The following CSMD1 variants were observed in gnomAD, a reference collection of about 807,000 sequenced individuals.
The protein encoded by CSMD1 is CUB and Sushi multiple domains 1.
A neutral mutation model predicts 417.5 loss-of-function variants in CSMD1; 213 were observed. The observed-to-expected ratio is 0.51, with a 90% CI of 0.46 to 0.57. CSMD1 has a LOEUF of 0.57. CSMD1 is among the 20% of genes least tolerant of loss of function. The probability of loss-of-function intolerance (pLI) is 0.00; values close to 1 mark genes in which losing one functional copy is unlikely to be tolerated. For missense variants in CSMD1, 6,923 were observed against 4,529.7 expected, an observed-to-expected ratio of 1.53 and a Z score of -15.17; for synonymous variants, 2,862 against 1,736.8, an observed-to-expected ratio of 1.65 and a Z score of -16.11.
At chr8:4,898,190 C>T (rs561778470) in intron 1 of CSMD1, among the ~76,000 whole-genome samples, 3 of 152,208 alleles carry the variant, frequency 2.0e-5, no homozygotes, top group Non-Finnish European at 2.9e-5. Context: ...GCGTGCATTG[C>T]TATATTGCAA....
chr8:3,569,574 C>G (rs1425012277), intron 10 of CSMD1, among the ~76,000 whole-genome samples: 1 of 152,190 alleles, frequency 6.6e-6, no homozygotes, highest in Admixed American at 6.5e-5. Context: ...GCAAATTCTT[C>G]ACATCCAAAA....
At chr8:3,928,855 G>T (rs1809937804) in intron 5 of CSMD1, among the ~76,000 whole-genome samples, 1 of 141,848 alleles carries the variant, frequency 7.0e-6, no homozygotes, top group African/African-American at 2.6e-5. Context: ...CTATACAAGG[G>T]TAGGAGAAAT....
intron 3 of CSMD1, among the ~76,000 whole-genome samples, chr8:4,234,246 G>T (rs1166502591): frequency 1.3e-5 from 2 of 152,184 alleles, no homozygotes; most frequent in African/African-American, 4.8e-5. Context: ...GACTAAAGCA[G>T]GAGGTTGTGA....
chr8:4,025,888 A>G (rs1296192900), intron 4 of CSMD1, among the ~76,000 whole-genome samples: 2 of 152,134 alleles, frequency 1.3e-5, no homozygotes, highest in African/African-American at 4.8e-5. Context: ...GGCTACATAT[A>G]TAATACATTT....
At chr8:4,296,559 G>A (rs1459522201) in intron 3 of CSMD1, among the ~76,000 whole-genome samples, 1 of 151,970 alleles carries the variant, frequency 6.6e-6, no homozygotes. Flanking sequence ...TAATTCAGAG[G>A]ATGGATGTAT....
chr8:3,916,592 C>A (rs1336238850), intron 5 of CSMD1, among the ~76,000 whole-genome samples: 5 of 152,062 alleles, frequency 3.3e-5, no homozygotes, highest in Non-Finnish European at 7.3e-5. Flanking sequence ...ATGTAGGTGA[C>A]AATATGAACT....
chr8:4,277,778 C>A (rs1026847487), intron 3 of CSMD1, among the ~76,000 whole-genome samples: 1 of 152,162 alleles, frequency 6.6e-6, no homozygotes, highest in Non-Finnish European at 1.5e-5. Context: ...GACGGAGTCT[C>A]ACTCTGTTGC....
At chr8:4,552,684 G>T (rs1192787953) in intron 2 of CSMD1, among the ~76,000 whole-genome samples, 1 of 152,064 alleles carries the variant, frequency 6.6e-6, no homozygotes, top group Non-Finnish European at 1.5e-5. Context: ...TTAATGAGAT[G>T]GGTCTATTAC....
At chr8:4,820,218 T>C (rs557330495) in intron 1 of CSMD1, among the ~76,000 whole-genome samples, 6 of 152,272 alleles carry the variant, frequency 3.9e-5, no homozygotes, top group Non-Finnish European at 7.4e-5. Context: ...GAGAATGATA[T>C]GCATTATTGA....
chr8:4,615,655 TGTAAG>T (rs1459227508), intron 2 of CSMD1, among the ~76,000 whole-genome samples: 1 of 152,172 alleles, frequency 6.6e-6, no homozygotes, highest in Non-Finnish European at 1.5e-5. Flanking sequence ...TTTTTGTGAG[TGTAAG>T]GTGTTATTTC....
At chr8:3,603,337 G>A (rs1275405119) in intron 8 of CSMD1, among the ~76,000 whole-genome samples, 1 of 152,006 alleles carries the variant, frequency 6.6e-6, no homozygotes, top group African/African-American at 2.4e-5. Flanking sequence ...TTTTTTTTAA[G>A]TTGTGAAAAC....
At chr8:3,435,628 C>T (rs527938143) in intron 12 of CSMD1, among the ~76,000 whole-genome samples, 4 of 152,292 alleles carry the variant, frequency 2.6e-5, no homozygotes, top group East Asian at 3.9e-4. Context: ...TGACTATGAG[C>T]TGTTACATGA....
intron 5 of CSMD1, among the ~76,000 whole-genome samples, chr8:3,994,924 T>C (rs187422419): frequency 6.6e-6 from 1 of 152,192 alleles, no homozygotes; most frequent in Non-Finnish European, 1.5e-5. Context: ...GAAGATCATA[T>C]GTGTATCTGC....
intron 3 of CSMD1, among the ~76,000 whole-genome samples, chr8:4,043,365 G>A (rs1304764202): frequency 6.6e-6 from 1 of 152,106 alleles, no homozygotes; most frequent in African/African-American, 2.4e-5. Context: ...CTGCAAGGTG[G>A]TAAAATTAAA....
At chr8:3,889,106 A>T (rs1419516405) in intron 5 of CSMD1, among the ~76,000 whole-genome samples, 2 of 152,098 alleles carry the variant, frequency 1.3e-5, no homozygotes, top group Non-Finnish European at 2.9e-5. Flanking sequence ...TGGTTGCTGC[A>T]AGTTAGAAGT....
At chr8:4,597,038 T>G (rs993546360) in intron 2 of CSMD1, among the ~76,000 whole-genome samples, 3 of 152,168 alleles carry the variant, frequency 2.0e-5, no homozygotes, top group African/African-American at 7.2e-5. Context: ...TAAGATCAAT[T>G]CAACCTATTT....
intron 52 of CSMD1, among the ~76,000 whole-genome samples, chr8:3,018,248 C>G (rs778929792): frequency 5.3e-5 from 8 of 152,164 alleles, no homozygotes; most frequent in African/African-American, 1.9e-4. Flanking sequence ...AGCACTCTTG[C>G]AAGATTGCCT....
intron 5 of CSMD1, among the ~76,000 whole-genome samples, chr8:3,989,332 G>C (rs761917623): frequency 6.6e-6 from 1 of 152,204 alleles, no homozygotes; most frequent in East Asian, 1.9e-4. Context: ...GTCTGAATCA[G>C]TCATCTTGGC....
rs972292894 is a variant in CSMD1 at position 4,306,156 on chromosome 8, G to A, written c.415+113797C>T. ...TCTGTGTAGATTTTTAGAAGAAAGA[G>A]TACTGGTTTAAAACACGCTGAAGTT... On this transcript the variant is annotated intron_variant, in intron 3 of 69. Transcript: ENST00000635120. Among the ~76,000 whole-genome samples the A allele has an allele frequency of 8.6e-5, 13 of 150,688 alleles. No individual in the cohort carries two copies. The South Asian group carries it at 2.1e-3, about 24-fold the overall frequency.
Sources: gnomAD v4.1 joint callset for allele counts (sites outside exome capture counted in the v4.1 genomes callset) on GRCh38, gnomAD v4.1.1 for gene constraint, MANE v1.5 for transcripts, NCBI Gene and HGNC (gene_info 2026-07-23, HGNC 2026-07-21) for gene names.